Variants in USP32 observed in about 807,000 individuals in gnomAD.
The protein encoded by USP32 is ubiquitin specific peptidase 32.
USP32 carries 59 observed loss-of-function variants against 204.8 expected under a neutral mutation model. The ratio of observed to expected loss-of-function variants is 0.29; its 90% confidence interval spans 0.23 to 0.36. The LOEUF (loss-of-function observed/expected upper bound fraction) is 0.36. Among genes scored for constraint, USP32 ranks in the 10% least tolerant of loss-of-function variants. The pLI is 1.00. For synonymous variants in USP32, 517 were observed against 678.4 expected, an observed-to-expected ratio of 0.76 and a Z score of 3.70; for missense variants, 1,160 against 1,946.4, an observed-to-expected ratio of 0.60 and a Z score of 7.60.
At chr17:60,213,700 A>T (rs747821511) in intron 17 of USP32, 38 bp from the exon 18 acceptor site, 108 of 1,312,626 alleles carry the variant, frequency 8.2e-5, no homozygotes, top group Non-Finnish European at 1.1e-4. Context: ...TTATTTGGTT[A>T]GTAAACTTGA....
chr17:60,337,623 T>C (rs2145982189), intron 2 of USP32, among the ~76,000 whole-genome samples: 1 of 152,320 alleles, frequency 6.6e-6, no homozygotes, highest in East Asian at 1.9e-4. Context: ...ATGCCTGTAA[T>C]CTCAGCTCTT....
intron 17 of USP32, 145 bp downstream of exon 17, chr17:60,214,475 T>A (rs1176095271): frequency 1.3e-6 from 1 of 741,986 alleles, no homozygotes; most frequent in Middle Eastern, 3.9e-4. Context: ...GAAATATGAT[T>A]TAACACTTAA....
Position 60,345,565 on chromosome 17 carries a change from C to T in USP32, c.102G>A (p.Arg34=), listed in dbSNP as rs2088765885. Residue 34 remains arginine, a synonymous_variant, in exon 2 of 34, where the codon AGG becomes AGA. Transcript: ENST00000300896. ...CCATGTAATATGAGAGTCCACAGGT[C>T]CTCTTGAAAGCATCCTTCAGTCGTT... ...ELKRLKDAFK[R]TCGLSYYMGQ... is the part of the protein sequence containing the mutation. 1.9e-6 allele frequency: 3 copies of T among 1,614,052 alleles called. No homozygotes were observed. The highest frequency in any genetic ancestry group is 2.7e-5 in the African/African-American group (2 of 74,922).
intron 2 of USP32, among the ~76,000 whole-genome samples, chr17:60,310,739 G>A (rs2087833801): frequency 6.6e-6 from 1 of 150,634 alleles, no homozygotes; most frequent in Non-Finnish European, 1.5e-5. Flanking sequence ...CATGTTAAGT[G>A]AAATAAATCA....
At chr17:60,351,506 G>C (rs2088948338) in intron 1 of USP32, among the ~76,000 whole-genome samples, 1 of 151,368 alleles carries the variant, frequency 6.6e-6, no homozygotes, top group Admixed American at 6.6e-5. Flanking sequence ...TCAGCTCACT[G>C]CAACCTCTGT....
In USP32 at chr17:60,270,313, T is replaced by C. The variant is rs559530411; in HGVS notation, c.704-756A>G. Among the ~76,000 whole-genome samples the C allele has an allele frequency of 2.6e-5, 4 of 152,330 alleles. No homozygotes were observed. In the South Asian group the frequency reaches 8.3e-4, roughly 32 times the overall value. ...GCTCCCCTGACAAGTACTTCCGAAGTACTCTAGAAATTTGAAGAATACAGA... is the reference window on the plus strand; with the variant it reads ...GCTCCCCTGACAAGTACTTCCGAAGCACTCTAGAAATTTGAAGAATACAGA... On this transcript the variant is annotated intron_variant, in intron 6 of 33. Transcript: ENST00000300896.
intron 2 of USP32, among the ~76,000 whole-genome samples, chr17:60,331,485 A>G (rs1414045326): frequency 1.3e-5 from 2 of 151,214 alleles, no homozygotes; most frequent in Non-Finnish European, 2.9e-5. Flanking sequence ...GGATCACTTG[A>G]GCCTGGGGAG....
At chr17:60,296,084 G>T (rs1238381090) in intron 3 of USP32, among the ~76,000 whole-genome samples, 2 of 152,134 alleles carry the variant, frequency 1.3e-5, no homozygotes, top group Non-Finnish European at 2.9e-5. Flanking sequence ...ATCATGAAGG[G>T]ATACAAAGAA....
At chr17:60,352,246 C>G (rs911859874) in intron 1 of USP32, among the ~76,000 whole-genome samples, 10 of 152,186 alleles carry the variant, frequency 6.6e-5, no homozygotes, top group African/African-American at 2.4e-4. Context: ...TAAAAGGTAA[C>G]AGCTGGCAAA....
chr17:60,183,147 AAGGCCCCC>A lies in USP32; in HGVS notation c.4123+10_4123+17del, dbSNP rs752902560. On this transcript the variant is annotated intron_variant, in intron 31 of 33. Transcript: ENST00000300896. ...AGGAGTCCCAAGAAAGCACCTGCAT[AAGGCCCCC>A]AGGCCTCACCTTTCGGGCTGCTGAT... The A allele has an allele frequency of 2.0e-5, 32 of 1,580,134 alleles. No individual in the cohort carries two copies. The highest frequency in any genetic ancestry group is 9.4e-5 in the Admixed American group (5 of 52,970).
In USP32 at chr17:60,177,492, T is replaced by G. The variant is rs187204504; in HGVS notation, c.*1763A>C. Among the ~76,000 whole-genome samples the G allele has an allele frequency of 8.2e-4, 125 of 152,328 alleles. No homozygotes were observed. The highest frequency in any genetic ancestry group is 2.9e-3 in the African/African-American group (121 of 41,582). On this transcript the variant is annotated 3_prime_UTR_variant, in exon 34 of 34. Transcript: ENST00000300896. The stretch of plus-strand genomic sequence containing the variant: ...TAGTTCATGAATTAAAAAAATTAAT[T>G]ACAACCAGTATAACAAACACAGATC...
chr17:60,192,715 G>T, intron 28 of USP32, 129 bp downstream of exon 28: 1 of 1,195,814 alleles, frequency 8.4e-7, no homozygotes, highest in Non-Finnish European at 1.2e-6. Flanking sequence ...GTGAGCCACC[G>T]TGCCCAGCCA....
At chr17:60,383,082 T>C (rs2089672696) in intron 1 of USP32, among the ~76,000 whole-genome samples, 1 of 151,726 alleles carries the variant, frequency 6.6e-6, no homozygotes, top group Non-Finnish European at 1.5e-5. Context: ...CCCGTCTATA[T>C]TAAAAATACA....
intron 1 of USP32, among the ~76,000 whole-genome samples, chr17:60,389,218 A>G (rs1010367175): frequency 1.3e-5 from 2 of 152,176 alleles, no homozygotes; most frequent in Admixed American, 1.3e-4. Flanking sequence ...TCAAGTGCCC[A>G]AAAGAGGTTC....
intron 9 of USP32, among the ~76,000 whole-genome samples, chr17:60,264,602 A>AT (rs1357215208): frequency 6.6e-6 from 1 of 152,048 alleles, no homozygotes; most frequent in Non-Finnish European, 1.5e-5. Flanking sequence ...CACGCCTATA[A>AT]TCCCAGCACT....
At chr17:60,285,019 C>G (rs958663991) in intron 5 of USP32, among the ~76,000 whole-genome samples, 40 of 152,288 alleles carry the variant, frequency 2.6e-4, no homozygotes, top group African/African-American at 9.6e-4. Context: ...TACTGCAATA[C>G]CCTTAATTGC....
intron 5 of USP32, among the ~76,000 whole-genome samples, chr17:60,275,017 A>C (rs924877645): frequency 1.3e-5 from 2 of 152,194 alleles, no homozygotes; most frequent in East Asian, 3.9e-4. Context: ...AAATTTATTC[A>C]TTTGTTTTGT....
chr17:60,214,025 C>T (rs1016075749), intron 17 of USP32, among the ~76,000 whole-genome samples: 2 of 151,846 alleles, frequency 1.3e-5, no homozygotes, highest in Non-Finnish European at 2.9e-5. Context: ...TCACTGCAAC[C>T]TCTGCCTCTG....
In USP32 at chr17:60,278,032, C is replaced by G. The variant is rs1256239782; in HGVS notation, c.572-6551G>C. On this transcript the variant is annotated intron_variant, in intron 5 of 33. Transcript: ENST00000300896. Reference sequence around the variant, plus strand: ...AGTGATCCTCCCACCTCGGCCTCCACAGTAGCTGGGAATATACGCATGTGC... The same window carrying G: ...AGTGATCCTCCCACCTCGGCCTCCAGAGTAGCTGGGAATATACGCATGTGC... Among the ~76,000 whole-genome samples the G allele has an allele frequency of 1.3e-5, 2 of 151,178 alleles. 1 individual carries two copies. Among genetic ancestry groups the G allele is most frequent in the East Asian group, 3.9e-4 (2 of 5,148 alleles).
Sources: allele counts gnomAD v4.1 joint callset (sites outside exome capture counted in the v4.1 genomes callset), GRCh38; gene constraint gnomAD v4.1.1; transcripts MANE v1.5; gene names NCBI Gene and HGNC (gene_info 2026-07-23, HGNC 2026-07-21).